The following PACSIN3 variants were observed in gnomAD, a reference collection of about 807,000 sequenced individuals.
PACSIN3 encodes protein kinase C and casein kinase substrate in neurons protein 3.
Under a neutral mutation model 56.1 loss-of-function variants are expected in PACSIN3, and 34 were observed. That is an observed-to-expected ratio of 0.61 (90% CI 0.46 to 0.81). The LOEUF is 0.81. PACSIN3 is among the 30% of genes least tolerant of loss of function. The pLI, the probability that PACSIN3 is intolerant of heterozygous loss-of-function variation, is 0.00. For missense variants in PACSIN3, 535 were observed against 592.4 expected (o/e 0.90, Z 1.01); for synonymous variants, 218 against 229.8 (o/e 0.95, Z 0.46).
chr11:47,181,271 G>GA (rs1465493525), intron 4 of PACSIN3, among the ~76,000 whole-genome samples: 1 of 151,382 alleles, frequency 6.6e-6, no homozygotes, highest in African/African-American at 2.4e-5. Context: ...CAAAAAAAAA[G>GA]AAAAAAAAGA....
At chr11:47,182,838 C>G (rs761786680) in intron 2 of PACSIN3, 74 bp from the exon 3 acceptor site, 28 of 1,176,314 alleles carry the variant, frequency 2.4e-5, no homozygotes, top group Non-Finnish European at 3.3e-5. Flanking sequence ...CCTCTCTATA[C>G]CTGGGCCTCG....
chr11:47,180,092 G>A (rs1952985499), intron 6 of PACSIN3, 94 bp downstream of exon 6: 1 of 1,156,216 alleles, frequency 8.6e-7, no homozygotes, highest in South Asian at 1.3e-5. Context: ...GGGTAATAAG[G>A]GTGCTGGGGA....
Position 47,185,697 on chromosome 11 carries a change from C to G in PACSIN3, c.-104+652G>C, listed in dbSNP as rs561933528. On this transcript the variant is annotated intron_variant, in intron 1 of 10. Coordinates refer to ENST00000298838, the MANE Select transcript of PACSIN3 (RefSeq NM_016223.5). Reference sequence around the variant, plus strand: ...CGCACTCCGAACCCCAGCCTCCACTCCAGAGCTCGGCGCCCAGAGGCTACG... The same window carrying G: ...CGCACTCCGAACCCCAGCCTCCACTGCAGAGCTCGGCGCCCAGAGGCTACG... 4 of 152,548 alleles carry G rather than the reference C, an allele frequency of 2.6e-5. No individual in the cohort carries two copies. In the South Asian group the frequency reaches 8.3e-4, roughly 32 times the overall value. 9.4% of individuals were successfully genotyped at this position (152,548 alleles called of 1,614,324 possible).
In PACSIN3 at chr11:47,180,713, G is replaced by A. The variant is rs775703897; in HGVS notation, c.212-23C>T. On this transcript the variant is annotated intron_variant, in intron 4 of 10. Transcript: ENST00000298838. Reference sequence around the variant, plus strand: ...GGCCTGCAGGGAGGGACAGGGCTTAGGCCAGGCCTGGGTACCACCCAAAAT... The same window carrying A: ...GGCCTGCAGGGAGGGACAGGGCTTAAGCCAGGCCTGGGTACCACCCAAAAT... The A allele has an allele frequency of 3.8e-6, 6 of 1,567,042 alleles. No homozygotes were observed. The East Asian group carries it at 1.1e-4, about 29-fold the overall frequency.
At chr11:47,181,890 C>T (rs1230524141) in intron 4 of PACSIN3, among the ~76,000 whole-genome samples, 2 of 152,030 alleles carry the variant, frequency 1.3e-5, no homozygotes, top group African/African-American at 4.8e-5. Flanking sequence ...CAGTGGCTCA[C>T]GCCTGTAATC....
At position 47,178,879 on chromosome 11, in the gene PACSIN3, G is replaced by A. The variant is rs760951070; in HGVS notation, c.1037+15C>T. On this transcript the variant is annotated intron_variant, in intron 9 of 10. Coordinates refer to ENST00000298838, the MANE Select transcript of PACSIN3 (RefSeq NM_016223.5). This position sits in a 1 kb window ranked among gnomAD's most constrained non-coding sequence, Gnocchi z 4.2. ...AGAGCTGTTTCTTTGCCACAGCCGCGCTCCTGGCTCTCACCCTGGGGACCC... is the reference window on the plus strand; with the variant it reads ...AGAGCTGTTTCTTTGCCACAGCCGCACTCCTGGCTCTCACCCTGGGGACCC... 17 of 1,613,292 alleles carry A rather than the reference G, an allele frequency of 1.1e-5. No homozygotes were observed. The highest frequency in any genetic ancestry group is 5.5e-5 in the South Asian group (5 of 91,082).
rs745552400 is a variant in PACSIN3, at chr11:47,182,728, G to T, written c.-1C>A. 6.2e-7 allele frequency: 1 copy of T among 1,612,134 alleles called. No homozygotes were observed. Among genetic ancestry groups the T allele is most frequent in the African/African-American group, 1.3e-5 (1 of 74,988 alleles). ...CTCCAGCGTCCTCTTCTGGAGCCAT[G>T]GTGTCCCCGCAGCACGGAATGGTGG... On this transcript the variant is annotated 5_prime_UTR_variant, in exon 3 of 11. Coordinates refer to ENST00000298838, the MANE Select transcript of PACSIN3 (RefSeq NM_016223.5).
At position 47,179,604 on chromosome 11, in the gene PACSIN3, G is replaced by A. The variant is rs1417906890; in HGVS notation, c.604-18C>T. 1.9e-6 allele frequency: 3 copies of A among 1,609,146 alleles called. No homozygotes were observed. The highest frequency in any genetic ancestry group is 2.5e-6 in the Non-Finnish European group (3 of 1,179,220). On this transcript the variant is annotated intron_variant, in intron 6 of 10. Coordinates refer to ENST00000298838, the MANE Select transcript of PACSIN3 (RefSeq NM_016223.5). This position sits in a 1 kb window ranked among gnomAD's most constrained non-coding sequence, Gnocchi z 4.4. ...GCTTTTGTCTGGGTGGGAGAGGAGGGGCCTGGTGAGAACCAGACCTTCTTC... is the reference window on the plus strand; with the variant it reads ...GCTTTTGTCTGGGTGGGAGAGGAGGAGCCTGGTGAGAACCAGACCTTCTTC...
rs1158771872 is a variant in PACSIN3, at chr11:47,180,703, A to G, written c.212-13T>C. ...CCATACTGGGGGCCTGCAGGGAGGG[A>G]CAGGGCTTAGGCCAGGCCTGGGTAC... is the stretch of plus-strand genomic sequence containing the variant. On this transcript the variant is annotated splice_polypyrimidine_tract_variant and intron_variant, in intron 4 of 10. Coordinates refer to ENST00000298838, the MANE Select transcript of PACSIN3 (RefSeq NM_016223.5). 6.3e-7 allele frequency: 1 copy of G among 1,586,182 alleles called. No individual in the cohort carries two copies.
Position 47,177,825 on chromosome 11 carries a change from G to C in PACSIN3, c.*106C>G. The C allele has an allele frequency of 1.2e-6, 1 of 850,994 alleles. No individual in the cohort carries two copies. The highest frequency in any genetic ancestry group is 2.0e-6 in the Non-Finnish European group (1 of 508,312). The allele number at this position is 850,994 out of a possible 1,614,324, so 52.7% of individuals were successfully genotyped here. On this transcript the variant is annotated 3_prime_UTR_variant, in exon 11 of 11. Transcript: ENST00000298838. ...GGACTTCCTCCCTCAAGGGACAGAGGAGCAGCCAGAGAGCGACGGTTCAGG... is the reference window on the plus strand; with the variant it reads ...GGACTTCCTCCCTCAAGGGACAGAGCAGCAGCCAGAGAGCGACGGTTCAGG...
chr11:47,186,434 TCCCGGAGCGCGCCGGGCCCTCC>T (rs1953122089), upstream of PACSIN3: 1 of 150,542 alleles, frequency 6.6e-6, no homozygotes, highest in South Asian at 2.1e-4. This position sits in a 1 kb window ranked among gnomAD's most constrained non-coding sequence, Gnocchi z 4.5. Flanking sequence ...CGCCGCGGCC[TCCCGGAGCGCGCCGGGCCCTCC>T]CCCGGGAAGC....
At position 47,178,694 on chromosome 11, in the gene PACSIN3, C is replaced by T. The variant is rs1236239739; in HGVS notation, c.1037+200G>A. Reference sequence around the variant, plus strand: ...ACACGCAGCTGATTTAAGGCATAAACGAGAGGGAATGTGGGAAATGCCCAG... The same window carrying T: ...ACACGCAGCTGATTTAAGGCATAAATGAGAGGGAATGTGGGAAATGCCCAG... On this transcript the variant is annotated intron_variant, in intron 9 of 10. Coordinates refer to ENST00000298838, the MANE Select transcript of PACSIN3 (RefSeq NM_016223.5). The surrounding 1 kb of genome is among the most constrained non-coding windows in gnomAD (Gnocchi z 4.2). Among the ~76,000 whole-genome samples the T allele has an allele frequency of 1.3e-5, 2 of 152,164 alleles. No homozygotes were observed. Among genetic ancestry groups the T allele is most frequent in the South Asian group, 2.1e-4 (1 of 4,836 alleles).
chr11:47,180,472 G>A lies in PACSIN3; in HGVS notation c.430C>T (p.Leu144=). The change falls in exon 5 of 11, where the codon CTG becomes TTG. Residue 144 remains leucine (L), a synonymous_variant. Transcript: ENST00000298838. ...DGFRKAQKPW[L]KRLKEVEASK... ...AGCCTCACCTCCTTCAGCCTCTTCA[G>A]CCAGGGCTTCTGGGCCTTGCGGAAG... 6.2e-7 allele frequency: 1 copy of A among 1,601,210 alleles called. No individual in the cohort carries two copies. Among genetic ancestry groups the A allele is most frequent in the East Asian group, 2.2e-5 (1 of 44,752 alleles).
chr11:47,185,857 G>A (rs1953111663), intron 1 of PACSIN3: 2 of 152,354 alleles, frequency 1.3e-5, no homozygotes, highest in Admixed American at 1.3e-4. Context: ...TAGACTTCTT[G>A]GCCAAACTTG....
intron 2 of PACSIN3, 97 bp from the exon 3 acceptor site, chr11:47,182,861 C>T: frequency 1.2e-6 from 1 of 856,192 alleles, no homozygotes; most frequent in Non-Finnish European, 1.8e-6. Flanking sequence ...CCACTGCCAT[C>T]CCCACCACCC....
chr11:47,180,717 A>G (rs955837403), intron 4 of PACSIN3, 27 bp from the exon 5 acceptor site: 1 of 1,556,022 alleles, frequency 6.4e-7, no homozygotes, highest in Non-Finnish European at 8.7e-7. Context: ...GGCTTAGGCC[A>G]GGCCTGGGTA....
chr11:47,178,406 G>A lies in PACSIN3; in HGVS notation c.1119C>T (p.Asp373=), dbSNP rs199648318. 1.2e-4 allele frequency: 193 copies of A among 1,613,970 alleles called. No individual in the cohort carries two copies. Among genetic ancestry groups the A allele is most frequent in the Admixed American group, 2.0e-4 (12 of 60,004 alleles). Reference sequence around the variant, plus strand: ...GCTCATCAGCTTCCTGGCCAGCGTAGTCATAGAGTGCCCTCACCCGAACCC... The same window carrying A: ...GCTCATCAGCTTCCTGGCCAGCGTAATCATAGAGTGCCCTCACCCGAACCC... ...ATGVRVRALY[D]YAGQEADELS... Residue 373 remains aspartate, a synonymous_variant, in exon 10 of 11, where the codon GAC becomes GAT. Transcript: ENST00000298838. This position sits in a 1 kb window ranked among gnomAD's most constrained non-coding sequence, Gnocchi z 4.2.
In PACSIN3 at chr11:47,179,831, G is replaced by A; in HGVS notation, c.604-245C>T. On this transcript the variant is annotated intron_variant, in intron 6 of 10. Coordinates refer to ENST00000298838, the MANE Select transcript of PACSIN3 (RefSeq NM_016223.5). This position sits in a 1 kb window ranked among gnomAD's most constrained non-coding sequence, Gnocchi z 4.4. ...GGTCAACCTACAGGAAAGGATGGGA[G>A]AAATCAGAAAAGGCTTCCTGGAGGA... 1 of 566,226 alleles carries A rather than the reference G, an allele frequency of 1.8e-6. No homozygotes were observed. The highest frequency in any genetic ancestry group is 3.1e-6 in the Non-Finnish European group (1 of 320,284). 35.1% of individuals were successfully genotyped at this position (566,226 alleles called of 1,614,324 possible). A position where few individuals can be genotyped will look rare whatever the true frequency, so the allele number is the denominator to read the frequency against.
rs933364275 is a variant in PACSIN3, at chr11:47,186,377, G to A, written c.-132C>T. 1.5e-4 allele frequency: 23 copies of A among 151,368 alleles called. No homozygotes were observed. The highest frequency in any genetic ancestry group is 5.1e-4 in the African/African-American group (21 of 41,342). 9.4% of individuals were successfully genotyped at this position (151,368 alleles called of 1,614,324 possible). ...GTCCTCCCTGGGCCCCTCGGCGGGT[G>A]GGGGTCCGGCCACGCTCCGGCCCGA... On this transcript the variant is annotated 5_prime_UTR_variant, in exon 1 of 11. Transcript: ENST00000298838. The surrounding 1 kb of genome is among the most constrained non-coding windows in gnomAD (Gnocchi z 4.5).
Sources: allele counts gnomAD v4.1 joint callset (sites outside exome capture counted in the v4.1 genomes callset), GRCh38; gene constraint gnomAD v4.1.1; non-coding constraint Gnocchi (gnomAD v3.1); transcripts MANE v1.5; gene names NCBI Gene and HGNC (gene_info 2026-07-23, HGNC 2026-07-21).